HEMK2: variants seen among roughly 807,000 people sequenced by gnomAD.
The protein encoded by HEMK2 is methyltransferase HEMK2.
chr21:28,881,946 T>A, the HEMK2 span, among the ~76,000 whole-genome samples: 1 of 152,212 alleles, frequency 6.6e-6, no homozygotes, highest in African/African-American at 2.4e-5. Flanking sequence ...ACTAATTTTT[T>A]AAATTTAAGC....
At chr21:28,811,918 C>T in the HEMK2 span, among the ~76,000 whole-genome samples, 2 of 152,158 alleles carry the variant, frequency 1.3e-5, no homozygotes, top group Admixed American at 6.5e-5. Context: ...AAAATTCATC[C>T]GTTCTTTAAA....
At chr21:28,755,314 T>C in the HEMK2 span, among the ~76,000 whole-genome samples, 2 of 152,230 alleles carry the variant, frequency 1.3e-5, no homozygotes, top group Non-Finnish European at 2.9e-5. Flanking sequence ...TCCTCATTTG[T>C]TGAACATGTT....
the HEMK2 span, among the ~76,000 whole-genome samples, chr21:28,865,291 G>A: frequency 1.3e-5 from 2 of 152,188 alleles, no homozygotes; most frequent in South Asian, 4.1e-4. Context: ...TCAGCCTCCC[G>A]AGTAGCTGAG....
the HEMK2 span, chr21:28,670,919 C>T: frequency 6.6e-6 from 1 of 152,230 alleles, no homozygotes; most frequent in Non-Finnish European, 1.5e-5. Flanking sequence ...TCACCTCCCA[C>T]CAAGTCCTTC....
At chr21:28,843,230 A>G in the HEMK2 span, among the ~76,000 whole-genome samples, 1 of 152,146 alleles carries the variant, frequency 6.6e-6, no homozygotes, top group Non-Finnish European at 1.5e-5. Context: ...ACCTGAGACT[A>G]GGCAATTTGT....
At chr21:28,787,857 G>A in the HEMK2 span, among the ~76,000 whole-genome samples, 3 of 151,840 alleles carry the variant, frequency 2.0e-5, no homozygotes, top group Non-Finnish European at 2.9e-5. Flanking sequence ...CCTACCACTG[G>A]GTATCTACCC....
chr21:28,630,160 C>T, the HEMK2 span, among the ~76,000 whole-genome samples: 156 of 150,786 alleles, frequency 1.0e-3, no homozygotes, highest in African/African-American at 3.6e-3. Context: ...AGTTATAAAG[C>T]TTAATTAATC....
chr21:28,765,094 T>C, the HEMK2 span, among the ~76,000 whole-genome samples: 1 of 152,084 alleles, frequency 6.6e-6, no homozygotes, highest in South Asian at 2.1e-4. Flanking sequence ...GCAAGCAAAG[T>C]TTCACCCTTA....
chr21:28,601,297 T>C, the HEMK2 span, among the ~76,000 whole-genome samples: 1 of 152,182 alleles, frequency 6.6e-6, no homozygotes, highest in African/African-American at 2.4e-5. Flanking sequence ...CTGCATTTAC[T>C]AAGCCAGTAG....
the HEMK2 span, among the ~76,000 whole-genome samples, chr21:28,636,105 G>A: frequency 1.6e-4 from 24 of 151,986 alleles, no homozygotes; most frequent in South Asian, 8.3e-4. Context: ...TCCTTCATTC[G>A]GGACCTTTAT....
the HEMK2 span, among the ~76,000 whole-genome samples, chr21:28,841,362 T>TAATATATAAATATTATATATAA: frequency 6.0e-5 from 1 of 16,672 alleles, no homozygotes; most frequent in African/African-American, 8.5e-4. Context: ...ATATTATATA[T>TAATATATAAATATTATATATAA]TATATAAAAT....
At chr21:28,682,910 C>T in the HEMK2 span, among the ~76,000 whole-genome samples, 27 of 151,778 alleles carry the variant, frequency 1.8e-4, no homozygotes, top group East Asian at 3.1e-3. Context: ...GTAGGGGGAG[C>T]GGGGAGGGAT....
the HEMK2 span, among the ~76,000 whole-genome samples, chr21:28,748,414 T>C: frequency 6.6e-6 from 1 of 152,248 alleles, no homozygotes; most frequent in Non-Finnish European, 1.5e-5. Flanking sequence ...AACAAAAGTA[T>C]CATACTGCTT....
the HEMK2 span, among the ~76,000 whole-genome samples, chr21:28,716,725 T>C: frequency 6.6e-6 from 1 of 152,208 alleles, no homozygotes; most frequent in Admixed American, 6.5e-5. Flanking sequence ...CTTTCATCCA[T>C]TCAGTACTGG....
the HEMK2 span, among the ~76,000 whole-genome samples, chr21:28,736,355 T>C: frequency 1.3e-5 from 2 of 152,234 alleles, no homozygotes; most frequent in Non-Finnish European, 2.9e-5. Context: ...CTCCTGCTCC[T>C]TCATTAGTGC....
At chr21:28,736,576 G>A in the HEMK2 span, among the ~76,000 whole-genome samples, 2 of 152,210 alleles carry the variant, frequency 1.3e-5, no homozygotes, top group Non-Finnish European at 2.9e-5. Flanking sequence ...GGCCAACATG[G>A]TGAAACCCCA....
the HEMK2 span, among the ~76,000 whole-genome samples, chr21:28,837,460 A>T: frequency 3.2e-3 from 481 of 152,356 alleles, 2 homozygotes; most frequent in Non-Finnish European, 5.4e-3. Flanking sequence ...GTCAAAAATG[A>T]TATTAAGATG....
chr21:28,600,083 G>A, the HEMK2 span, among the ~76,000 whole-genome samples: 1 of 152,164 alleles, frequency 6.6e-6, no homozygotes, highest in African/African-American at 2.4e-5. Context: ...GCAAGCTGCA[G>A]GTGGATCTAC....
chr21:28,580,811 G>T, the HEMK2 span, among the ~76,000 whole-genome samples: 1 of 152,064 alleles, frequency 6.6e-6, no homozygotes, highest in Non-Finnish European at 1.5e-5. Flanking sequence ...TTCCTGTTGT[G>T]ATTCACAGCT....
Sources: gnomAD v4.1 joint callset for allele counts (sites outside exome capture counted in the v4.1 genomes callset) on GRCh38, gnomAD v4.1.1 for gene constraint, MANE v1.5 for transcripts, NCBI Gene and HGNC (gene_info 2026-07-23, HGNC 2026-07-21) for gene names.